The following LRMDA variants were observed in gnomAD, a reference collection of about 807,000 sequenced individuals.
LRMDA encodes leucine-rich melanocyte differentiation-associated protein.
A neutral mutation model predicts 29.8 loss-of-function variants in LRMDA; 18 were observed. That is an observed-to-expected ratio of 0.60 (90% CI 0.42 to 0.90). The LOEUF is 0.90. Ranked by LOEUF, LRMDA falls within the 40% of genes least tolerant of loss-of-function variation. The probability of loss-of-function intolerance (pLI) is 0.00; values close to 1 mark genes in which losing one functional copy is unlikely to be tolerated. For missense variants in LRMDA, 273 were observed against 273.9 expected, an observed-to-expected ratio of 1.00 and a Z score of 0.02; for synonymous variants, 125 against 109.4, an observed-to-expected ratio of 1.14 and a Z score of -0.89.
intron 2 of LRMDA, among the ~76,000 whole-genome samples, chr10:75,496,709 A>C (rs991597228): frequency 2.6e-5 from 4 of 152,142 alleles, no homozygotes; most frequent in Non-Finnish European, 5.9e-5. Context: ...CTGACCTAGC[A>C]TACTTTCGGA....
At chr10:75,902,081 G>GC (rs1280452933) in intron 2 of LRMDA, among the ~76,000 whole-genome samples, 2 of 152,004 alleles carry the variant, frequency 1.3e-5, no homozygotes, top group Non-Finnish European at 2.9e-5. Flanking sequence ...TTTTCCTTCA[G>GC]CCCCACATTC....
chr10:76,281,873 T>C lies in LRMDA; in HGVS notation c.517-42528T>C, dbSNP rs2894328. Among the ~76,000 whole-genome samples the C allele has an allele frequency of 3.4e-3, 518 of 152,282 alleles. 26 individuals carry two copies. In the East Asian group the frequency reaches 0.077, roughly 23 times the overall value. On this transcript the variant is annotated intron_variant, in intron 5 of 6. Transcript: ENST00000611255. ...AGGTCTTGGCCTGTTATTGTCTTCC[T>C]GCATGATAATGAACCCATCACTAGC...
chr10:76,530,829 G>A (rs115453319), intron 6 of LRMDA, among the ~76,000 whole-genome samples: 2,245 of 152,248 alleles, frequency 0.015, 19 homozygotes, highest in African/African-American at 0.036. Context: ...GTGGTGTTCT[G>A]CACATAGAAG....
At chr10:75,500,756 A>AC (rs1845103484) in intron 2 of LRMDA, among the ~76,000 whole-genome samples, 2 of 152,124 alleles carry the variant, frequency 1.3e-5, no homozygotes, top group Non-Finnish European at 2.9e-5. Context: ...AGCCCTATAT[A>AC]AAACTGTCAG....
At chr10:76,546,532 A>G (rs1843423061) in intron 6 of LRMDA, among the ~76,000 whole-genome samples, 1 of 152,204 alleles carries the variant, frequency 6.6e-6, no homozygotes, top group African/African-American at 2.4e-5. Context: ...TGACTGTTAT[A>G]TTAGGAAAGC....
chr10:76,439,546 GT>G (rs1842279614), intron 6 of LRMDA, among the ~76,000 whole-genome samples: 1 of 152,296 alleles, frequency 6.6e-6, no homozygotes, highest in African/African-American at 2.4e-5. Context: ...GAAAGGTGTT[GT>G]CTCTGAAGTT....
At chr10:76,244,597 C>T (rs1049366751) in intron 5 of LRMDA, among the ~76,000 whole-genome samples, 2 of 152,120 alleles carry the variant, frequency 1.3e-5, no homozygotes, top group East Asian at 1.9e-4. Context: ...GGCTGGCCAG[C>T]TGGGGTCTGT....
chr10:76,264,723 A>T (rs545843172), intron 5 of LRMDA, among the ~76,000 whole-genome samples: 1 of 152,332 alleles, frequency 6.6e-6, no homozygotes, highest in Admixed American at 6.5e-5. Flanking sequence ...GGAGAAATGT[A>T]AAACATATTT....
At chr10:76,375,871 AAGAAT>A (rs2132464305) in intron 6 of LRMDA, among the ~76,000 whole-genome samples, 1 of 152,294 alleles carries the variant, frequency 6.6e-6, no homozygotes, top group Non-Finnish European at 1.5e-5. Flanking sequence ...CACTACAGAA[AAGAAT>A]AGAAGTGTGT....
At chr10:75,886,406 A>G (rs916385276) in intron 2 of LRMDA, among the ~76,000 whole-genome samples, 9 of 152,208 alleles carry the variant, frequency 5.9e-5, no homozygotes, top group Admixed American at 4.6e-4. Context: ...ATATCAGGGA[A>G]GAAATTATCC....
intron 1 of LRMDA, among the ~76,000 whole-genome samples, chr10:75,434,365 T>C (rs1004176560): frequency 1.3e-5 from 2 of 152,184 alleles, no homozygotes; most frequent in African/African-American, 2.4e-5. Context: ...TTCATGAGGA[T>C]TGAATAGATA....
chr10:76,334,063 C>T (rs113949356), intron 6 of LRMDA, among the ~76,000 whole-genome samples: 2,084 of 152,262 alleles, frequency 0.014, 28 homozygotes, highest in African/African-American at 0.035. Flanking sequence ...CAGGAACAAA[C>T]GTACAAAAAG....
chr10:75,910,270 G>T (rs1288719431), intron 2 of LRMDA, among the ~76,000 whole-genome samples: 1 of 152,146 alleles, frequency 6.6e-6, no homozygotes, highest in African/African-American at 2.4e-5. Flanking sequence ...TTTTAGATGA[G>T]TTGGAATAAC....
At chr10:75,996,232 A>G (rs1041323690) in intron 2 of LRMDA, among the ~76,000 whole-genome samples, 2 of 152,190 alleles carry the variant, frequency 1.3e-5, no homozygotes, top group Non-Finnish European at 2.9e-5. Flanking sequence ...GAAGAGAATT[A>G]ACTCTTCTTC....
At chr10:76,084,060 G>A (rs1325001320) in intron 5 of LRMDA, among the ~76,000 whole-genome samples, 4 of 152,180 alleles carry the variant, frequency 2.6e-5, no homozygotes, top group African/African-American at 4.8e-5. Context: ...GGAAGACTGT[G>A]TGGACAAGTG....
intron 2 of LRMDA, among the ~76,000 whole-genome samples, chr10:76,019,705 A>G (rs922079382): frequency 1.3e-5 from 2 of 152,162 alleles, no homozygotes; most frequent in African/African-American, 2.4e-5. Context: ...TTTCTAGTAC[A>G]TAAAATAATG....
intron 5 of LRMDA, among the ~76,000 whole-genome samples, chr10:76,267,292 A>C (rs955452183): frequency 6.6e-6 from 1 of 152,160 alleles, no homozygotes; most frequent in African/African-American, 2.4e-5. Context: ...AATTTTTGAC[A>C]TATTACACTA....
chr10:76,194,297 T>C (rs1044618273), intron 5 of LRMDA, among the ~76,000 whole-genome samples: 3 of 152,200 alleles, frequency 2.0e-5, no homozygotes, highest in African/African-American at 7.2e-5. Context: ...TTGCATCCCA[T>C]GCCCTTGGAA....
intron 2 of LRMDA, among the ~76,000 whole-genome samples, chr10:75,919,894 AT>A (rs920299335): frequency 4.0e-5 from 6 of 151,020 alleles, no homozygotes; most frequent in South Asian, 4.2e-4. Flanking sequence ...AGTAGGCAGC[AT>A]TTTTTTTTAA....
Sources: gnomAD v4.1 joint callset for allele counts (sites outside exome capture counted in the v4.1 genomes callset) on GRCh38, gnomAD v4.1.1 for gene constraint, MANE v1.5 for transcripts, NCBI Gene and HGNC (gene_info 2026-07-23, HGNC 2026-07-21) for gene names.